RPGR: variants seen among roughly 807,000 people sequenced by gnomAD.
The protein encoded by RPGR is X-linked retinitis pigmentosa GTPase regulator.
In RPGR, 10 loss-of-function variants were observed where a neutral mutation model predicts 56.3. The observed-to-expected ratio is 0.18, with a 90% CI of 0.11 to 0.30. The LOEUF (loss-of-function observed/expected upper bound fraction) is 0.30, where lower values mean the gene tolerates loss of function less well. Among genes scored for constraint, RPGR ranks in the 10% least tolerant of loss-of-function variants. RPGR has a pLI of 1.00. For missense variants in RPGR, 538 were observed against 590.9 expected, an observed-to-expected ratio of 0.91 and a Z score of 0.93; for synonymous variants, 197 against 212.9, an observed-to-expected ratio of 0.93 and a Z score of 0.65.
chrX:38,310,878 C>T (rs35019417), intron 6 of RPGR, 105 bp from the exon 7 acceptor site: 8 of 662,066 alleles, frequency 1.2e-5, no homozygotes, highest in Non-Finnish European at 1.9e-5. Flanking sequence ...ATACATTTGA[C>T]CTTTCTTGAG....
chrX:38,273,023 T>C (rs1266609464), intron 18 of RPGR, among the ~76,000 whole-genome samples: 1 of 112,095 alleles, frequency 8.9e-6, no homozygotes, highest in Non-Finnish European at 1.9e-5. Flanking sequence ...GAAGAGGTGA[T>C]AGGCAAGAAA....
intron 1 of RPGR, among the ~76,000 whole-genome samples, chrX:38,326,232 T>C (rs774745717): frequency 2.7e-5 from 3 of 112,205 alleles, no homozygotes; most frequent in African/African-American, 6.5e-5. Flanking sequence ...TCAATTTATA[T>C]GGTCATTTTG....
At chrX:38,310,158 T>C (rs951450053) in intron 7 of RPGR, among the ~76,000 whole-genome samples, 2 of 110,651 alleles carry the variant, frequency 1.8e-5, no homozygotes, top group African/African-American at 6.6e-5. Flanking sequence ...TTTCGTCATG[T>C]TGCTCAGGCT....
intron 15 of RPGR, among the ~76,000 whole-genome samples, chrX:38,279,563 A>C (rs2066993663): frequency 9.1e-6 from 1 of 109,585 alleles, no homozygotes; most frequent in Non-Finnish European, 1.9e-5. Context: ...TGGGGCTGAG[A>C]GTGGGAAATG....
At chrX:38,297,560 G>A in intron 10 of RPGR, 108 bp from the exon 11 acceptor site, 1 of 636,254 alleles carries the variant, frequency 1.6e-6, no homozygotes, top group Non-Finnish European at 2.5e-6. Flanking sequence ...TTCAAAGTAT[G>A]CCAACACTCC....
chrX:38,325,083 T>A (rs1436804608), intron 1 of RPGR, among the ~76,000 whole-genome samples: 1 of 104,896 alleles, frequency 9.5e-6, no homozygotes, highest in African/African-American at 3.5e-5. Context: ...GGCAGGACAA[T>A]TGCATGAACC....
Position 38,322,950 on chromosome X carries a change from T to A in RPGR, c.155-5A>T, listed in dbSNP as rs749293285. On this transcript the variant is annotated splice_region_variant and splice_polypyrimidine_tract_variant and intron_variant, in intron 2 of 18. Coordinates refer to ENST00000642395, the MANE Select transcript of RPGR (RefSeq NM_000328.3). ...ACATGTAAAGTTTATTATTTCCTGG[T>A]AGGAGGGAAAAAGAAATAATCAATT... is the stretch of plus-strand genomic sequence containing the variant. 10 of 1,167,803 alleles carry A rather than the reference T, an allele frequency of 8.6e-6. No individual in the cohort carries two copies. The South Asian group carries it at 1.8e-4, about 21-fold the overall frequency.
chrX:38,281,912 T>A lies in RPGR; in HGVS notation c.1906-5140A>T, dbSNP rs185760676. Among the ~76,000 whole-genome samples, 299 of 95,376 alleles carry A rather than the reference T, an allele frequency of 3.1e-3. 1 individual carries two copies. Among genetic ancestry groups the A allele is most frequent in the African/African-American group, 0.012 (285 of 24,070 alleles). The allele number at this position is 95,376 out of a possible 115,157, so 82.8% of individuals were successfully genotyped here. A position where few individuals can be genotyped will look rare whatever the true frequency, so the allele number is the denominator to read the frequency against. On this transcript the variant is annotated intron_variant, in intron 15 of 18. Transcript: ENST00000642395. ...TAATAATGGCTGTTCTCACAGATGT[T>A]TTTTTTCTCCGCCTCACTAATGTTT...
At position 38,309,514 on chromosome X, in the gene RPGR, G is replaced by A. The variant is rs1314621486; in HGVS notation, c.778+1101C>T. Among the ~76,000 whole-genome samples, 4 of 112,611 alleles carry A rather than the reference G, an allele frequency of 3.6e-5. No homozygotes were observed. In the Admixed American group the frequency reaches 3.8e-4, roughly 11 times the overall value. On this transcript the variant is annotated intron_variant, in intron 7 of 18. Transcript: ENST00000642395. The stretch of plus-strand genomic sequence containing the variant: ...TCCCTGAAAATGAGCTAAAAATAAT[G>A]TAATATGTTGCCATTAAAAATGTTA...
chrX:38,318,275 T>C (rs1217404985), intron 5 of RPGR, among the ~76,000 whole-genome samples: 3 of 110,334 alleles, frequency 2.7e-5, no homozygotes, highest in Admixed American at 2.0e-4. Flanking sequence ...CTGACTTTCC[T>C]GATAGAGTAA....
At chrX:38,270,604 C>G (rs2066826703) in intron 18 of RPGR, among the ~76,000 whole-genome samples, 1 of 91,370 alleles carries the variant, frequency 1.1e-5, no homozygotes, top group Non-Finnish European at 2.1e-5. Flanking sequence ...GCTTGGGCGA[C>G]AGAGCGAGAC....
At chrX:38,289,725 T>C (rs1343661205) in intron 13 of RPGR, among the ~76,000 whole-genome samples, 2 of 112,643 alleles carry the variant, frequency 1.8e-5, no homozygotes, top group Non-Finnish European at 3.8e-5. Flanking sequence ...AAAAAGACTA[T>C]AGAAAGTATA....
intron 4 of RPGR, among the ~76,000 whole-genome samples, chrX:38,319,224 G>C (rs1384832566): frequency 7.1e-5 from 8 of 112,328 alleles, no homozygotes; most frequent in Non-Finnish European, 1.1e-4. Flanking sequence ...GAAATGAACA[G>C]AATGCATGGA....
At chrX:38,325,486 C>T (rs1366509120) in intron 1 of RPGR, among the ~76,000 whole-genome samples, 1 of 112,064 alleles carries the variant, frequency 8.9e-6, no homozygotes, top group Non-Finnish European at 1.9e-5. Context: ...AACAAAGGAG[C>T]ACTTTAGCTT....
In RPGR at chrX:38,314,388, C is replaced by T. The variant is rs753708945; in HGVS notation, c.619+2928G>A. ...TATTAATTTTTATAAAATCTGGATT[C>T]CTCAAACTCTCTACCTGGCTCTGAC... is the stretch of plus-strand genomic sequence containing the variant. On this transcript the variant is annotated intron_variant, in intron 6 of 18. Coordinates refer to ENST00000642395, the MANE Select transcript of RPGR (RefSeq NM_000328.3). 2.7e-5 allele frequency among the ~76,000 whole-genome samples: 3 copies of T among 111,381 alleles called. No homozygotes were observed. The South Asian group carries it at 1.1e-3, about 42-fold the overall frequency.
In RPGR at chrX:38,318,884, G is replaced by A. The variant is rs376887697; in HGVS notation, c.414C>T (p.Ser138=). 7.4e-6 allele frequency: 9 copies of A among 1,209,841 alleles called. No homozygotes were observed. Among genetic ancestry groups the A allele is most frequent in the African/African-American group, 1.7e-5 (1 of 57,237 alleles). ...CAGACAGCTGCTTAATCTTATGCTC[G>A]GATGTAAAAAAGCTAATTACATGAA... The change falls in exon 5 of 19, where the codon TCC becomes TCT. Residue 138 remains serine (S), a synonymous_variant. Transcript: ENST00000642395.
intron 15 of RPGR, chrX:38,286,526 C>T: frequency 9.5e-7 from 1 of 1,057,453 alleles, no homozygotes; most frequent in Non-Finnish European, 1.2e-6. Flanking sequence ...TCTTCCCTCT[C>T]TCCTTTCCCC....
Position 38,288,951 on chromosome X carries a change from T to A in RPGR, c.1573-910A>T, listed in dbSNP as rs1404745859. ...TGCATGCCACCACATCCAGCTAACT[T>A]TTTTATTTTTAGTAGAGATGAGGTT... On this transcript the variant is annotated intron_variant, in intron 13 of 18. Coordinates refer to ENST00000642395, the MANE Select transcript of RPGR (RefSeq NM_000328.3). Among the ~76,000 whole-genome samples the A allele has an allele frequency of 5.5e-5, 6 of 109,196 alleles. No homozygotes were observed. In the East Asian group the frequency reaches 1.8e-3, roughly 32 times the overall value. The allele number at this position is 109,196 out of a possible 115,157, so 94.8% of individuals were successfully genotyped here.
intron 4 of RPGR, 49 bp from the exon 5 acceptor site, chrX:38,319,036 A>G: frequency 8.7e-7 from 1 of 1,155,517 alleles, no homozygotes. Context: ...CCCCCTTTTT[A>G]TGAGACAGGT....
Sources: allele counts gnomAD v4.1 joint callset (sites outside exome capture counted in the v4.1 genomes callset), GRCh38; gene constraint gnomAD v4.1.1; transcripts MANE v1.5; gene names NCBI Gene and HGNC (gene_info 2026-07-23, HGNC 2026-07-21).